Variants in SNAPC1 observed in about 807,000 individuals in gnomAD.
The protein encoded by SNAPC1 is small nuclear RNA activating complex polypeptide 1.
SNAPC1 carries 42 observed loss-of-function variants against 50.1 expected under a neutral mutation model. The observed-to-expected ratio is 0.84, with a 90% CI of 0.65 to 1.08. The LOEUF (loss-of-function observed/expected upper bound fraction) is 1.08, where lower values mean the gene tolerates loss of function less well. Among genes scored for constraint, SNAPC1 ranks in the 50% least tolerant of loss-of-function variants. The pLI is 0.00. For synonymous variants in SNAPC1, 164 were observed against 144.2 expected (o/e 1.14, Z -0.98); for missense variants, 477 against 427.3 (o/e 1.12, Z -1.02).
intron 7 of SNAPC1, among the ~76,000 whole-genome samples, chr14:61,779,706 T>TG (rs1318020135): frequency 9.8e-6 from 1 of 101,544 alleles, no homozygotes; most frequent in Non-Finnish European, 1.9e-5. Flanking sequence ...TTCACTTTGT[T>TG]GGTTTTTTTT....
chr14:61,772,670 A>T (rs189283762), intron 4 of SNAPC1, among the ~76,000 whole-genome samples: 1 of 152,360 alleles, frequency 6.6e-6, no homozygotes, highest in Non-Finnish European at 1.5e-5. Context: ...GATTATAGGC[A>T]TGAGCCACCA....
intron 5 of SNAPC1, 104 bp from the exon 6 acceptor site, chr14:61,777,968 A>G: frequency 3.5e-6 from 2 of 566,658 alleles, no homozygotes; most frequent in South Asian, 5.5e-5. Flanking sequence ...TTAGTTTTTC[A>G]TTTATTAAAA....
chr14:61,782,181 T>G, intron 7 of SNAPC1, 66 bp from the exon 8 acceptor site: 1 of 1,185,752 alleles, frequency 8.4e-7, no homozygotes. Flanking sequence ...CATTTTGTCT[T>G]CCTCTCAATT....
intron 4 of SNAPC1, among the ~76,000 whole-genome samples, chr14:61,773,197 T>G (rs750944706): frequency 1.3e-5 from 2 of 151,630 alleles, no homozygotes; most frequent in Non-Finnish European, 2.9e-5. Context: ...TCAAAACATT[T>G]GACTTCTAAT....
At chr14:61,780,936 C>CAATG (rs1368975255) in intron 7 of SNAPC1, among the ~76,000 whole-genome samples, 2 of 151,840 alleles carry the variant, frequency 1.3e-5, no homozygotes, top group African/African-American at 4.8e-5. Flanking sequence ...TTTTTCCTTG[C>CAATG]CATTATTCCT....
intron 4 of SNAPC1, among the ~76,000 whole-genome samples, chr14:61,775,720 A>G (rs998139349): frequency 6.6e-6 from 1 of 152,192 alleles, no homozygotes; most frequent in Admixed American, 6.5e-5. Context: ...ATGTGACAAT[A>G]TGATATAAAA....
In SNAPC1 at chr14:61,795,046, G is replaced by C. The variant is rs778395711; in HGVS notation, c.*63G>C. On this transcript the variant is annotated 3_prime_UTR_variant, in exon 10 of 10. Transcript: ENST00000216294. ...TGACAGAAGAAAAGATTGATATTTT[G>C]TGTATTGAACAGGAAGACTGCCAGT... 2.2e-5 allele frequency: 26 copies of C among 1,157,028 alleles called. No homozygotes were observed. The highest frequency in any genetic ancestry group is 3.1e-5 in the Non-Finnish European group (25 of 802,736). The allele number at this position is 1,157,028 out of a possible 1,614,324, so 71.7% of individuals were successfully genotyped here. A position where few individuals can be genotyped will look rare whatever the true frequency, so the allele number is the denominator to read the frequency against.
chr14:61,791,062 A>C (rs2045148934), intron 8 of SNAPC1, among the ~76,000 whole-genome samples: 1 of 152,082 alleles, frequency 6.6e-6, no homozygotes, highest in African/African-American at 2.4e-5. Flanking sequence ...CCAGAGCTGG[A>C]GTGCAGTGGC....
chr14:61,770,094 A>G (rs1351158571), intron 4 of SNAPC1, among the ~76,000 whole-genome samples: 2 of 152,166 alleles, frequency 1.3e-5, no homozygotes, highest in Non-Finnish European at 1.5e-5. Context: ...TGAGTGTGGT[A>G]TATTACACAC....
chr14:61,764,231 A>G lies in SNAPC1; in HGVS notation c.128+1643A>G, dbSNP rs146162582. ...GTGAGGACAGTGACTGGATGAATCT[A>G]TTTTTATTACCATAGTACATATAAT... is the stretch of plus-strand genomic sequence containing the variant. On this transcript the variant is annotated intron_variant, in intron 1 of 9. Transcript: ENST00000216294. 8.7e-3 allele frequency among the ~76,000 whole-genome samples: 1,325 copies of G among 152,344 alleles called. 10 individuals carry two copies. Among genetic ancestry groups the G allele is most frequent in the Middle Eastern group, 0.014 (4 of 294 alleles).
chr14:61,781,580 T>C (rs2045073337), intron 7 of SNAPC1, among the ~76,000 whole-genome samples: 1 of 152,044 alleles, frequency 6.6e-6, no homozygotes, highest in Non-Finnish European at 1.5e-5. Flanking sequence ...AACAAATCCT[T>C]AGCCAGGATT....
At chr14:61,770,769 C>G (rs1383252785) in intron 4 of SNAPC1, among the ~76,000 whole-genome samples, 3 of 152,054 alleles carry the variant, frequency 2.0e-5, no homozygotes, top group Non-Finnish European at 2.9e-5. Context: ...TTCTCTCACT[C>G]TGTAGCCCAA....
intron 8 of SNAPC1, 54 bp from the exon 9 acceptor site, chr14:61,792,753 A>G: frequency 9.8e-7 from 1 of 1,016,754 alleles, no homozygotes. Flanking sequence ...ATGTTTTCTC[A>G]AAGATTATAA....
At chr14:61,769,074 A>G (rs1387044844) in intron 4 of SNAPC1, among the ~76,000 whole-genome samples, 1 of 152,156 alleles carries the variant, frequency 6.6e-6, no homozygotes, top group African/African-American at 2.4e-5. Flanking sequence ...AAAACAATAT[A>G]CATGACCAGG....
rs144986416 is a variant in SNAPC1, at chr14:61,792,310, C to T, written c.977-497C>T. ...GGTAACAGAAGGTTGATGTAGAGAA[C>T]CTCTAGTGTTTTTGAAAATGGAAAG... On this transcript the variant is annotated intron_variant, in intron 8 of 9. Transcript: ENST00000216294. 2.1e-3 allele frequency among the ~76,000 whole-genome samples: 321 copies of T among 152,202 alleles called. 1 individual carries two copies. The highest frequency in any genetic ancestry group is 7.4e-3 in the African/African-American group (309 of 41,528).
intron 4 of SNAPC1, among the ~76,000 whole-genome samples, chr14:61,774,648 ATTTTTTTTTTTTTTT>A (rs35300490): frequency 1.8e-4 from 16 of 90,964 alleles, no homozygotes; most frequent in Middle Eastern, 5.9e-3. Context: ...TCAGTTTCTC[ATTTTTTTTTTTTTTT>A]TTTTTTTTTT....
Position 61,768,636 on chromosome 14 carries a change from C to T in SNAPC1, c.430C>T (p.Leu144=). ...TAAAAAGACACGTATTATCACATAGCTGTCATATAGGATGAAGAAAAAAAT... is the reference window on the plus strand; with the variant it reads ...TAAAAAGACACGTATTATCACATAGTTGTCATATAGGATGAAGAAAAAAAT... ...AFHFTAMPKL[L]SYRMKKKIHR... The change falls in exon 4 of 10, where the codon CTG becomes TTG. Residue 144 remains leucine, a splice_region_variant and synonymous_variant. Coordinates refer to ENST00000216294, the MANE Select transcript of SNAPC1 (RefSeq NM_003082.4). The T allele has an allele frequency of 6.6e-7, 1 of 1,510,482 alleles. No individual in the cohort carries two copies. The highest frequency in any genetic ancestry group is 9.2e-7 in the Non-Finnish European group (1 of 1,088,402). The allele number at this position is 1,510,482 out of a possible 1,614,324, so 93.6% of individuals were successfully genotyped here. A position where few individuals can be genotyped will look rare whatever the true frequency, so the allele number is the denominator to read the frequency against.
chr14:61,792,058 G>A lies in SNAPC1; in HGVS notation c.977-749G>A, dbSNP rs376375304. Among the ~76,000 whole-genome samples the A allele has an allele frequency of 3.7e-4, 55 of 150,538 alleles. No homozygotes were observed. The East Asian group carries it at 6.4e-3, about 18-fold the overall frequency. On this transcript the variant is annotated intron_variant, in intron 8 of 9. Transcript: ENST00000216294. ...GCAGAGGTTGCAATGAGCCAAGATC[G>A]CGCCACTGCACTGCAGCCTGGGTGA...
intron 1 of SNAPC1, among the ~76,000 whole-genome samples, chr14:61,764,807 C>T (rs899704370): frequency 3.3e-5 from 5 of 152,176 alleles, no homozygotes; most frequent in African/African-American, 1.2e-4. Flanking sequence ...CTTTGGTTAC[C>T]GTAACTAGAG....
Sources: gnomAD v4.1 joint callset for allele counts (sites outside exome capture counted in the v4.1 genomes callset) on GRCh38, gnomAD v4.1.1 for gene constraint, MANE v1.5 for transcripts, NCBI Gene and HGNC (gene_info 2026-07-23, HGNC 2026-07-21) for gene names.